Variants in RBFOX1 observed in about 807,000 individuals in gnomAD.
The protein encoded by RBFOX1 is RNA binding protein fox-1 homolog 1.
RBFOX1 carries 8 observed loss-of-function variants against 57.7 expected under a neutral mutation model. The ratio of observed to expected loss-of-function variants is 0.14; its 90% CI spans 0.08 to 0.25. The LOEUF (loss-of-function observed/expected upper bound fraction) is 0.25, where lower values mean the gene tolerates loss of function less well. Ranked by LOEUF, RBFOX1 falls within the 10% of genes least tolerant of loss-of-function variation. The pLI, the probability that RBFOX1 is intolerant of heterozygous loss-of-function variation, is 1.00. For synonymous variants in RBFOX1, 326 were observed against 222.4 expected (o/e 1.47, Z -4.15); for missense variants, 611 against 548.5 (o/e 1.11, Z -1.14).
intron 14 of RBFOX1, among the ~76,000 whole-genome samples, chr16:7,693,613 A>G (rs139154018): frequency 1.3e-5 from 2 of 152,306 alleles, no homozygotes; most frequent in African/African-American, 4.8e-5. Context: ...CAGAAAAGTA[A>G]GAGTATGTTG....
chr16:7,570,648 A>G (rs1411724658), intron 5 of RBFOX1, among the ~76,000 whole-genome samples: 1 of 152,212 alleles, frequency 6.6e-6, no homozygotes, highest in Non-Finnish European at 1.5e-5. Context: ...CTGAATGTAC[A>G]TTAGCTCAAC....
At chr16:7,520,978 G>T (rs574461789) in intron 5 of RBFOX1, among the ~76,000 whole-genome samples, 1 of 152,304 alleles carries the variant, frequency 6.6e-6, no homozygotes, top group African/African-American at 2.4e-5. Flanking sequence ...TTTACCTCTT[G>T]TAACTTAGTA....
intron 3 of RBFOX1, among the ~76,000 whole-genome samples, chr16:6,780,076 C>CATATTTATATATATTTATATATTTTTAT (rs2080410405): frequency 2.3e-4 from 1 of 4,332 alleles, no homozygotes; most frequent in Non-Finnish European, 3.2e-4. Flanking sequence ...TATATATTTA[C>CATATTTATATATATTTATATATTTTTAT]ATATTTATAT....
At chr16:6,692,057 C>G (rs1421650388) in intron 3 of RBFOX1, among the ~76,000 whole-genome samples, 1 of 152,128 alleles carries the variant, frequency 6.6e-6, no homozygotes, top group Non-Finnish European at 1.5e-5. Context: ...CAGTAAAAGA[C>G]AAGTCAGACT....
At chr16:7,459,841 C>T (rs771305682) in intron 4 of RBFOX1, among the ~76,000 whole-genome samples, 1 of 152,118 alleles carries the variant, frequency 6.6e-6, no homozygotes, top group Non-Finnish European at 1.5e-5. Flanking sequence ...CATACATACA[C>T]ATTTATTACT....
At chr16:7,300,505 C>T (rs913668444) in intron 4 of RBFOX1, among the ~76,000 whole-genome samples, 8 of 152,200 alleles carry the variant, frequency 5.3e-5, no homozygotes, top group African/African-American at 1.7e-4. Context: ...CACATCTTGA[C>T]GTTGCCACTG....
intron 4 of RBFOX1, among the ~76,000 whole-genome samples, chr16:7,221,666 G>A (rs989943552): frequency 5.9e-5 from 9 of 152,088 alleles, no homozygotes; most frequent in Middle Eastern, 3.2e-3. Flanking sequence ...TGCACCTGCC[G>A]TTGACTTATT....
chr16:6,036,929 T>A (rs949182788), intron 1 of RBFOX1, among the ~76,000 whole-genome samples: 1 of 152,148 alleles, frequency 6.6e-6, no homozygotes, highest in African/African-American at 2.4e-5. Flanking sequence ...ATGACCCTAG[T>A]AGGCAAGGAA....
intron 2 of RBFOX1, among the ~76,000 whole-genome samples, chr16:6,578,680 A>T (rs1047647757): frequency 5.3e-5 from 8 of 151,932 alleles, no homozygotes; most frequent in African/African-American, 1.9e-4. Flanking sequence ...AACCCCAGAG[A>T]GAGAGAAACA....
At chr16:6,473,815 G>C (rs962013785) in intron 2 of RBFOX1, among the ~76,000 whole-genome samples, 1 of 152,144 alleles carries the variant, frequency 6.6e-6, no homozygotes, top group Non-Finnish European at 1.5e-5. Flanking sequence ...TAAGTAGAAA[G>C]GGGTGTTCCT....
intron 4 of RBFOX1, among the ~76,000 whole-genome samples, chr16:7,465,009 C>T (rs2060250158): frequency 6.6e-6 from 1 of 151,942 alleles, no homozygotes; most frequent in Non-Finnish European, 1.5e-5. Context: ...TGTCTCTCTT[C>T]TATCCCTTGG....
intron 5 of RBFOX1, among the ~76,000 whole-genome samples, chr16:7,533,440 A>G (rs1252298879): frequency 6.6e-6 from 1 of 152,226 alleles, no homozygotes; most frequent in Non-Finnish European, 1.5e-5. Flanking sequence ...TTTAAAATTG[A>G]GACCTATGTC....
intron 11 of RBFOX1, among the ~76,000 whole-genome samples, chr16:7,637,516 A>C (rs2061969827): frequency 6.6e-6 from 1 of 152,190 alleles, no homozygotes; most frequent in Non-Finnish European, 1.5e-5. Flanking sequence ...TTTTACTTTT[A>C]GGTAATTGAT....
chr16:5,634,453 A>G (rs1474720713), intron 3 of RBFOX1, among the ~76,000 whole-genome samples: 3 of 152,258 alleles, frequency 2.0e-5, no homozygotes, highest in Non-Finnish European at 2.9e-5. Flanking sequence ...ATCATTTTAA[A>G]TTGCAAAGGG....
At chr16:5,546,390 A>C (rs2045207062) in intron 2 of RBFOX1, among the ~76,000 whole-genome samples, 1 of 152,230 alleles carries the variant, frequency 6.6e-6, no homozygotes, top group South Asian at 2.1e-4. Context: ...GAACAAAGTT[A>C]GAGGGCTAAC....
chr16:5,277,010 A>G (rs1450328465), intron 1 of RBFOX1, among the ~76,000 whole-genome samples: 1 of 152,214 alleles, frequency 6.6e-6, no homozygotes, highest in African/African-American at 2.4e-5. Context: ...TACATCAGCA[A>G]AATTCACATT....
intron 3 of RBFOX1, among the ~76,000 whole-genome samples, chr16:6,995,579 C>T (rs564174408): frequency 1.3e-5 from 2 of 151,962 alleles, no homozygotes; most frequent in Non-Finnish European, 2.9e-5. Context: ...GGGCAACACA[C>T]TGAAACCTTG....
intron 3 of RBFOX1, among the ~76,000 whole-genome samples, chr16:5,782,016 G>A (rs2054339613): frequency 6.6e-6 from 1 of 152,172 alleles, no homozygotes; most frequent in Admixed American, 6.5e-5. Context: ...GACCAGCCTG[G>A]GCCAACATGG....
chr16:5,426,594 A>G (rs1435817337), intron 1 of RBFOX1, among the ~76,000 whole-genome samples: 2 of 152,152 alleles, frequency 1.3e-5, no homozygotes, highest in Non-Finnish European at 2.9e-5. Flanking sequence ...GCTGGAGGAA[A>G]TGGCTGTTAC....
Sources: allele counts gnomAD v4.1 joint callset (sites outside exome capture counted in the v4.1 genomes callset), GRCh38; gene constraint gnomAD v4.1.1; transcripts MANE v1.5; gene names NCBI Gene and HGNC (gene_info 2026-07-23, HGNC 2026-07-21).